The following PTGER3 variants were observed in gnomAD, a reference collection of about 807,000 sequenced individuals.
The protein encoded by PTGER3 is prostaglandin E receptor 3.
Under a neutral mutation model 34.7 loss-of-function variants are expected in PTGER3, and 22 were observed. The ratio of observed to expected loss-of-function variants is 0.63; its 90% CI spans 0.45 to 0.91. The LOEUF (loss-of-function observed/expected upper bound fraction) is 0.91, where lower values mean the gene tolerates loss of function less well. PTGER3 is among the 40% of genes least tolerant of loss of function. The pLI is 0.00. For synonymous variants in PTGER3, 241 were observed against 230.1 expected (o/e 1.05, Z -0.43); for missense variants, 468 against 519.4 (o/e 0.90, Z 0.96).
chr1:70,852,714 G>T, exon 5 of PTGER3: 1 of 1,158,254 alleles, frequency 8.6e-7, no homozygotes, highest in Non-Finnish European at 1.3e-6. Flanking sequence ...ATATTTGGGG[G>T]TGGGCTTGGG....
At position 71,047,471 on chromosome 1, in the gene PTGER3, T is replaced by G; in HGVS notation, c.107A>C (p.Asn36Thr). Residue 36 changes from asparagine to threonine, a missense_variant, in exon 1 of 4, where the codon AAC (asparagine) becomes ACC (threonine). Around this residue, in one of 5 missense-constraint regions of PTGER3, gnomAD observed 151 missense variants for 133.5 expected, o/e 1.13. Transcript: ENST00000306666. ...APERSAEARGNLTRPPGSGED... is the reference protein window; with the variant it reads ...APERSAEARGTLTRPPGSGED... ...GCCAGACCCTGGAGGGCGCGTGAGG[T>G]TGCCCCGCGCCTCGGCGGAACGCTC... 1 of 1,609,118 alleles carries G rather than the reference T, an allele frequency of 6.2e-7. No individual in the cohort carries two copies. The highest frequency in any genetic ancestry group is 8.5e-7 in the Non-Finnish European group (1 of 1,178,782).
At chr1:70,861,127 C>T (rs6424406) in intron 4 of PTGER3, among the ~76,000 whole-genome samples, 136,110 of 152,140 alleles carry the variant, frequency 0.89, 61,002 homozygotes, top group East Asian at 1. Flanking sequence ...CTATTCCAAC[C>T]AGAAAGAACT....
At chr1:70,862,751 AGAAG>A (rs1206754433) in intron 4 of PTGER3, among the ~76,000 whole-genome samples, 1 of 152,260 alleles carries the variant, frequency 6.6e-6, no homozygotes, top group African/African-American at 2.4e-5. Flanking sequence ...AAAAGAAGAA[AGAAG>A]GGAGTAAGAA....
At chr1:70,854,503 C>A (rs1025824238) in intron 4 of PTGER3, among the ~76,000 whole-genome samples, 1 of 152,062 alleles carries the variant, frequency 6.6e-6, no homozygotes, top group Non-Finnish European at 1.5e-5. Context: ...AGAGGAGGGG[C>A]CTGGTGGGAG....
At chr1:70,976,060 T>C (rs564427958) in intron 2 of PTGER3, among the ~76,000 whole-genome samples, 13 of 152,078 alleles carry the variant, frequency 8.5e-5, no homozygotes, top group African/African-American at 2.9e-4. Context: ...AGAAGCAGAC[T>C]ACAGCTGTAG....
At chr1:70,981,946 C>T (rs139874129) in intron 2 of PTGER3, among the ~76,000 whole-genome samples, 1 of 152,072 alleles carries the variant, frequency 6.6e-6, no homozygotes, top group Non-Finnish European at 1.5e-5. Flanking sequence ...AATGGGCTCC[C>T]ATTCTTTTTG....
chr1:71,009,371 T>C (rs775723738), intron 2 of PTGER3: 15 of 979,508 alleles, frequency 1.5e-5, no homozygotes, highest in Non-Finnish European at 1.8e-5. Context: ...AGTTTAAATC[T>C]GGCATGATTA....
intron 4 of PTGER3, among the ~76,000 whole-genome samples, chr1:70,882,003 C>G (rs749975923): frequency 2.2e-4 from 33 of 152,064 alleles, no homozygotes; most frequent in Non-Finnish European, 4.0e-4. Flanking sequence ...AGCTGCACCT[C>G]CAACAAATTT....
At chr1:70,873,636 C>T (rs566854993) in intron 4 of PTGER3, among the ~76,000 whole-genome samples, 11 of 148,014 alleles carry the variant, frequency 7.4e-5, no homozygotes, top group South Asian at 2.1e-4. Flanking sequence ...TCTTTAGTGG[C>T]GATATGTGAG....
intron 4 of PTGER3, chr1:70,869,392 C>G: frequency 2.4e-6 from 1 of 411,512 alleles, no homozygotes; most frequent in South Asian, 1.8e-5. Context: ...TTCCACCCCT[C>G]TTCTCCACCC....
Position 71,047,379 on chromosome 1 carries a change from C to G in PTGER3, c.199G>C (p.Ala67Pro). ...CGCGACACGAGCAGCATGGCCAGTG[C>G]GTTGCCCACGAAACCAGTGAGCAGC... ...TMLLTGFVGN[A>P]LAMLLVSRSY... is the part of the protein sequence containing the mutation. The change falls in exon 1 of 4, where the codon GCA becomes CCA. Residue 67 changes from alanine (A) to proline (P), a missense_variant. Transcript: ENST00000306666. 1 of 1,611,050 alleles carries G rather than the reference C, an allele frequency of 6.2e-7. No individual in the cohort carries two copies. The highest frequency in any genetic ancestry group is 8.5e-7 in the Non-Finnish European group (1 of 1,179,402).
downstream of PTGER3, chr1:70,970,777 G>A: frequency 1.5e-6 from 1 of 676,482 alleles, no homozygotes; most frequent in Non-Finnish European, 1.8e-6. Flanking sequence ...GATGACTCAA[G>A]TATATCTTTT....
intron 4 of PTGER3, among the ~76,000 whole-genome samples, chr1:70,895,394 G>T (rs1646703608): frequency 6.6e-6 from 1 of 152,114 alleles, no homozygotes; most frequent in Admixed American, 6.5e-5. Context: ...AAGAAAAGTA[G>T]TCCCAAAATT....
chr1:70,942,077 C>T (rs1287118914), intron 4 of PTGER3, among the ~76,000 whole-genome samples: 1 of 152,064 alleles, frequency 6.6e-6, no homozygotes, highest in Non-Finnish European at 1.5e-5. Context: ...ATGTTACAAT[C>T]CCCATAACCC....
intron 4 of PTGER3, among the ~76,000 whole-genome samples, chr1:70,886,996 G>A (rs999237622): frequency 1.3e-5 from 2 of 152,080 alleles, no homozygotes; most frequent in Non-Finnish European, 2.9e-5. Flanking sequence ...TGAGAAGGAG[G>A]GTCCTGAAGA....
intron 1 of PTGER3, among the ~76,000 whole-genome samples, chr1:71,029,801 C>T (rs1659242547): frequency 6.6e-6 from 1 of 151,962 alleles, no homozygotes; most frequent in Admixed American, 6.6e-5. Context: ...TGGTGCACAC[C>T]TGTAATCCCA....
chr1:70,898,002 T>TA (rs34100101), intron 4 of PTGER3, among the ~76,000 whole-genome samples: 21,094 of 149,610 alleles, frequency 0.14, 3,006 homozygotes, highest in East Asian at 0.42. Flanking sequence ...CTCACTGATT[T>TA]AAAAAAAAAA....
At chr1:70,949,506 G>A (rs780571204), downstream of PTGER3, among the ~76,000 whole-genome samples, 2 of 152,092 alleles carry the variant, frequency 1.3e-5, no homozygotes, top group Non-Finnish European at 2.9e-5. Context: ...ACAGTTCAAG[G>A]GAAAGAGAAA....
intron 2 of PTGER3, among the ~76,000 whole-genome samples, chr1:70,957,295 C>A (rs1047244537): frequency 1.1e-4 from 16 of 152,168 alleles, no homozygotes; most frequent in Non-Finnish European, 2.2e-4. Flanking sequence ...AGGGAGAAAT[C>A]TGACTATTCA....
Sources: allele counts gnomAD v4.1 joint callset (sites outside exome capture counted in the v4.1 genomes callset), GRCh38; gene constraint gnomAD v4.1.1; regional missense constraint gnomAD v4.1.1; transcripts MANE v1.5; gene names NCBI Gene and HGNC (gene_info 2026-07-23, HGNC 2026-07-21).